SCAMP2: variants seen among roughly 807,000 people sequenced by gnomAD.
SCAMP2 encodes secretory carrier-associated membrane protein 2.
In SCAMP2, 25 loss-of-function variants were observed where a neutral mutation model predicts 44.1. The ratio of observed to expected loss-of-function variants is 0.57; its 90% CI spans 0.41 to 0.79. The LOEUF (loss-of-function observed/expected upper bound fraction) is 0.79. SCAMP2 is among the 30% of genes least tolerant of loss of function. SCAMP2 has a pLI of 0.00. For missense variants in SCAMP2, 355 were observed against 411.0 expected (o/e 0.86, Z 1.18); for synonymous variants, 156 against 166.0 (o/e 0.94, Z 0.46).
At chr15:74,864,146 C>A (rs9672491) in intron 1 of SCAMP2, among the ~76,000 whole-genome samples, 11,234 of 152,210 alleles carry the variant, frequency 0.074, 1,157 homozygotes, top group African/African-American at 0.23. Context: ...ACTGCAACAT[C>A]CGCTTCCCAG....
In SCAMP2 at chr15:74,845,159, G is replaced by A. The variant is rs2064390367; in HGVS notation, c.914C>T (p.Ser305Phe). Reference protein sequence around the residue: ...ASFQQAQEEFSQGIFSSRTFH... With the variant: ...ASFQQAQEEFFQGIFSSRTFH... ...GGTTCTGCTGCTGAAGATGCCCTGG[G>A]AAAACTCCTCCTGGGCCTGCTGGAA... Residue 305 changes from serine to phenylalanine, a missense_variant, in exon 9 of 9, where the codon TCC (serine) becomes TTC (phenylalanine). Transcript: ENST00000268099. The A allele has an allele frequency of 3.1e-6, 5 of 1,614,008 alleles. No homozygotes were observed. Among genetic ancestry groups the A allele is most frequent in the Non-Finnish European group, 4.2e-6 (5 of 1,179,996 alleles).
Position 74,873,359 on chromosome 15 carries a change from C to T in SCAMP2, c.-104G>A, listed in dbSNP as rs984615371. The T allele has an allele frequency of 5.7e-5, 50 of 872,396 alleles. No homozygotes were observed. Among genetic ancestry groups the T allele is most frequent in the Non-Finnish European group, 6.9e-5 (46 of 668,044 alleles). 54.0% of individuals were successfully genotyped at this position (872,396 alleles called of 1,614,324 possible). On this transcript the variant is annotated 5_prime_UTR_variant, in exon 1 of 9. Transcript: ENST00000268099. ...CCCTCCACTTCCGGGAGCGAGGCAG[C>T]GGTTCTGGCGCAGGCGCGATGCCCT...
intron 1 of SCAMP2, among the ~76,000 whole-genome samples, chr15:74,865,074 C>CAAAAAAAAAAAAA: frequency 3.0e-5 from 1 of 32,824 alleles, no homozygotes; most frequent in Non-Finnish European, 5.3e-5. Flanking sequence ...GACTCTATCT[C>CAAAAAAAAAAAAA]AAAAAAAAAA....
intron 7 of SCAMP2, among the ~76,000 whole-genome samples, chr15:74,846,077 GT>G (rs984812051): frequency 1.4e-4 from 21 of 152,216 alleles, no homozygotes; most frequent in Admixed American, 1.2e-3. Context: ...GAGGTCAGGA[GT>G]TTGAGACCAG....
chr15:74,872,930 C>T, intron 1 of SCAMP2: 1 of 431,048 alleles, frequency 2.3e-6, no homozygotes, highest in Non-Finnish European at 4.1e-6. Context: ...GTACCTGCTC[C>T]AGTCCCCTTC....
chr15:74,859,622 T>TTC (rs2064489970), intron 1 of SCAMP2, among the ~76,000 whole-genome samples: 1 of 150,522 alleles, frequency 6.6e-6, no homozygotes, highest in Non-Finnish European at 1.5e-5. Context: ...CACACTTTTT[T>TTC]TTTTTTTTTT....
intron 1 of SCAMP2, among the ~76,000 whole-genome samples, chr15:74,871,059 C>T (rs541445591): frequency 1.4e-4 from 22 of 152,134 alleles, no homozygotes; most frequent in Admixed American, 5.2e-4. Flanking sequence ...TTTGAGCAGA[C>T]GTGAAACAAG....
intron 7 of SCAMP2, among the ~76,000 whole-genome samples, chr15:74,848,180 G>A (rs1003830556): frequency 6.6e-6 from 1 of 151,506 alleles, no homozygotes; most frequent in African/African-American, 2.4e-5. Flanking sequence ...TGATCCTCCT[G>A]CTTCAGCCTC....
chr15:74,846,728 G>A (rs1399676123), intron 7 of SCAMP2, among the ~76,000 whole-genome samples: 1 of 152,166 alleles, frequency 6.6e-6, no homozygotes, highest in East Asian at 1.9e-4. Flanking sequence ...TCGCGGCACT[G>A]CACTCCAGTC....
chr15:74,854,210 C>A, intron 2 of SCAMP2, 91 bp from the exon 3 acceptor site: 1 of 1,170,598 alleles, frequency 8.5e-7, no homozygotes, highest in East Asian at 2.4e-5. Context: ...GTGATGTGCC[C>A]CTGCCTGTGA....
At chr15:74,864,282 T>C (rs529925434) in intron 1 of SCAMP2, among the ~76,000 whole-genome samples, 3 of 152,110 alleles carry the variant, frequency 2.0e-5, no homozygotes, top group South Asian at 2.1e-4. Context: ...AGGATGGTCT[T>C]GATCTCCTGA....
At chr15:74,864,073 T>C (rs565960830) in intron 1 of SCAMP2, among the ~76,000 whole-genome samples, 1 of 152,282 alleles carries the variant, frequency 6.6e-6, no homozygotes, top group Admixed American at 6.5e-5. Context: ...TATATGTATA[T>C]ATTTTTGAGA....
At chr15:74,863,037 C>T (rs988936021) in intron 1 of SCAMP2, among the ~76,000 whole-genome samples, 6 of 151,052 alleles carry the variant, frequency 4.0e-5, no homozygotes, top group South Asian at 4.2e-4. Context: ...GATGAAACCC[C>T]GTCTCTACAG....
intron 7 of SCAMP2, among the ~76,000 whole-genome samples, chr15:74,847,154 T>G (rs2064405086): frequency 6.8e-6 from 1 of 148,034 alleles, no homozygotes; most frequent in African/African-American, 2.5e-5. Flanking sequence ...AACAGTGGTG[T>G]GATCCCGGCT....
rs1183860169 is a variant in SCAMP2 at position 74,861,925 on chromosome 15, G to GAAAGA, written c.58-7281_58-7277dup. 3.6e-5 allele frequency among the ~76,000 whole-genome samples: 5 copies of GAAAGA among 137,522 alleles called. No homozygotes were observed. The East Asian group carries it at 6.5e-4, about 18-fold the overall frequency. The allele number at this position is 137,522 out of a possible 152,430, so 90.2% of individuals were successfully genotyped here. On this transcript the variant is annotated intron_variant, in intron 1 of 8. Coordinates refer to ENST00000268099, the MANE Select transcript of SCAMP2 (RefSeq NM_005697.5). ...CAAAAAAAAAAAAAAAAAAAAGAAA[G>GAAAGA]AAAGAAAAGAAAAGAAAAGGCTTTG...
chr15:74,845,373 A>C, intron 8 of SCAMP2, 100 bp downstream of exon 8: 1 of 1,598,028 alleles, frequency 6.3e-7, no homozygotes, highest in Non-Finnish European at 8.5e-7. Flanking sequence ...TTGGGGGCCT[A>C]GGATGCCCAA....
chr15:74,854,327 G>A (rs572110087), intron 2 of SCAMP2, among the ~76,000 whole-genome samples: 5 of 152,344 alleles, frequency 3.3e-5, no homozygotes, highest in African/African-American at 1.2e-4. Flanking sequence ...GGGCTCGCTG[G>A]GTCCAGCACA....
At position 74,866,798 on chromosome 15, in the gene SCAMP2, CTT is replaced by C. The variant is rs112929950; in HGVS notation, c.57+6399_57+6400del. Among the ~76,000 whole-genome samples the C allele has an allele frequency of 2.1e-3, 246 of 119,624 alleles. 1 individual carries two copies. Among genetic ancestry groups the C allele is most frequent in the Non-Finnish European group, 2.3e-3 (129 of 56,324 alleles). 78.5% of individuals were successfully genotyped at this position (119,624 alleles called of 152,430 possible). A position where few individuals can be genotyped will look rare whatever the true frequency, so the allele number is the denominator to read the frequency against. ...CTCTCAGTGAGCATTTATTTTCTTTCTTTTTTTTTTTTTTTTGAGATGGAGTC... is the reference window on the plus strand; with the variant it reads ...CTCTCAGTGAGCATTTATTTTCTTTCTTTTTTTTTTTTTTGAGATGGAGTC... On this transcript the variant is annotated intron_variant, in intron 1 of 8. Coordinates refer to ENST00000268099, the MANE Select transcript of SCAMP2 (RefSeq NM_005697.5).
chr15:74,872,861 A>C (rs2064586118), intron 1 of SCAMP2: 3 of 271,478 alleles, frequency 1.1e-5, no homozygotes, highest in Admixed American at 1.1e-4. Context: ...GAATGAGGGA[A>C]TGCGATAGCC....
Sources: gnomAD v4.1 joint callset for allele counts (sites outside exome capture counted in the v4.1 genomes callset) on GRCh38, gnomAD v4.1.1 for gene constraint, MANE v1.5 for transcripts, NCBI Gene and HGNC (gene_info 2026-07-23, HGNC 2026-07-21) for gene names.